Variants in IDH2 observed in about 807,000 individuals in gnomAD.
IDH2 encodes the protein isocitrate dehydrogenase [NADP], mitochondrial.
A neutral mutation model predicts 50.5 loss-of-function variants in IDH2; 18 were observed. The ratio of observed to expected loss-of-function variants is 0.36; its 90% CI spans 0.25 to 0.53. The LOEUF (loss-of-function observed/expected upper bound fraction) is 0.53. IDH2 is among the 20% of genes least tolerant of loss of function. The probability of loss-of-function intolerance (pLI) is 0.92; values close to 1 mark genes in which losing one functional copy is unlikely to be tolerated. For synonymous variants in IDH2, 280 were observed against 239.8 expected (o/e 1.17, Z -1.55); for missense variants, 518 against 610.7 (o/e 0.85, Z 1.60).
At chr15:90,088,057 G>A (rs1301665127) in intron 5 of IDH2, among the ~76,000 whole-genome samples, 2 of 151,984 alleles carry the variant, frequency 1.3e-5, no homozygotes, top group African/African-American at 4.8e-5. Context: ...CAAGCAGGCA[G>A]GAGTACGCCT....
rs1555462242 is a variant in IDH2, at chr15:90,098,531, C to CATGT, written c.115+3741_115+3744dup. 0.019 allele frequency among the ~76,000 whole-genome samples: 2,573 copies of CATGT among 138,172 alleles called. 26 individuals are homozygous for CATGT. The highest frequency in any genetic ancestry group is 0.028 in the Non-Finnish European group (1,742 of 62,696). 90.6% of individuals were successfully genotyped at this position (138,172 alleles called of 152,430 possible). A position where few individuals can be genotyped will look rare whatever the true frequency, so the allele number is the denominator to read the frequency against. ...GTATGTATGTATGTATGTATGCATG[C>CATGT]ATGTATGTATGTATGTATGTATGTA... is the stretch of plus-strand genomic sequence containing the variant. On this transcript the variant is annotated intron_variant, in intron 1 of 10. Transcript: ENST00000330062. This position sits in a 1 kb window ranked among gnomAD's most constrained non-coding sequence, Gnocchi z 5.1.
chr15:90,091,497 G>T, intron 2 of IDH2, 56 bp downstream of exon 2: 1 of 1,385,256 alleles, frequency 7.2e-7, no homozygotes, highest in South Asian at 1.2e-5. Context: ...CTGTGGGACA[G>T]AACAATCCCT....
At chr15:90,093,255 C>T (rs954598812) in intron 1 of IDH2, among the ~76,000 whole-genome samples, 6 of 152,200 alleles carry the variant, frequency 3.9e-5, no homozygotes, top group Non-Finnish European at 5.9e-5. Flanking sequence ...GCTCAGACTC[C>T]GGGGCTCAAG....
rs1299949175 is a variant in IDH2 at position 90,085,131 on chromosome 15, C to T, written c.1081-33G>A. ...CGGGGGTTGCAGGGAGATCAAGAGC[C>T]GAGCCAGCTAGTGAGGAGGCTGCCC... On this transcript the variant is annotated intron_variant, in intron 8 of 10. Coordinates refer to ENST00000330062, the MANE Select transcript of IDH2 (RefSeq NM_002168.4). This position sits in a 1 kb window ranked among gnomAD's most constrained non-coding sequence, Gnocchi z 5.5. 13 of 1,603,450 alleles carry T rather than the reference C, an allele frequency of 8.1e-6. No individual in the cohort carries two copies. Among genetic ancestry groups the T allele is most frequent in the Admixed American group, 3.3e-5 (2 of 59,986 alleles).
At position 90,100,938 on chromosome 15, in the gene IDH2, CTTT is replaced by C. The variant is rs35633367; in HGVS notation, c.115+1335_115+1337del. ...TGTGTGTTTTTCGGGTTGTTTGTTT[CTTT>C]TTTTTTTTTTTACCATCAAGGCAGA... On this transcript the variant is annotated intron_variant, in intron 1 of 10. Transcript: ENST00000330062. The surrounding 1 kb of genome is among the most constrained non-coding windows in gnomAD (Gnocchi z 4.1). 2.8e-5 allele frequency among the ~76,000 whole-genome samples: 4 copies of C among 145,354 alleles called. No individual in the cohort carries two copies. The highest frequency in any genetic ancestry group is 5.0e-5 in the African/African-American group (2 of 39,760).
At chr15:90,092,432 G>T (rs1901066752) in intron 1 of IDH2, among the ~76,000 whole-genome samples, 1 of 138,938 alleles carries the variant, frequency 7.2e-6, no homozygotes, top group Admixed American at 7.3e-5. Flanking sequence ...TCTTGGCAGG[G>T]TCCTGTTCCA....
At chr15:90,088,807 A>C (rs2151550096) in intron 3 of IDH2, 60 bp from the exon 4 acceptor site, 1 of 1,588,132 alleles carries the variant, frequency 6.3e-7, no homozygotes, top group Non-Finnish European at 8.6e-7. Context: ...CCAGAATTTG[A>C]ACCCCAAGCA....
chr15:90,087,227 C>G lies in IDH2; in HGVS notation c.852G>C (p.Trp284Cys), dbSNP rs748642079. The G allele has an allele frequency of 6.2e-7, 1 of 1,614,144 alleles. No individual in the cohort carries two copies. Among genetic ancestry groups the G allele is most frequent in the South Asian group, 1.1e-5 (1 of 91,076 alleles). Residue 284 changes from tryptophan to cysteine, a missense_variant, in exon 7 of 11, where the codon TGG becomes TGC. Around this residue, in one of 5 missense-constraint regions of IDH2, gnomAD observed 207 missense variants for 208.6 expected, o/e 0.99. Coordinates refer to ENST00000330062, the MANE Select transcript of IDH2 (RefSeq NM_002168.4). ...TGTCATCAATGAGCCGGTGCTCATA[C>G]CAGATCTTATTCTTGTCGAAGTCGG... The part of the protein sequence containing the change: ...YKTDFDKNKI[W>C]YEHRLIDDMV...
rs1446930681 is a variant in IDH2 at position 90,084,406 on chromosome 15, C to T, written c.1272-53G>A. The T allele has an allele frequency of 1.3e-6, 2 of 1,513,316 alleles. No individual in the cohort carries two copies. The highest frequency in any genetic ancestry group is 1.4e-5 in the African/African-American group (1 of 72,650). The allele number at this position is 1,513,316 out of a possible 1,614,324, so 93.7% of individuals were successfully genotyped here. A position where few individuals can be genotyped will look rare whatever the true frequency, so the allele number is the denominator to read the frequency against. ...GGGTGGCTCCAGGCCTTGCCAAGGC[C>T]ATCAGCCAGGCCCTTCCAGGGAACA... On this transcript the variant is annotated intron_variant, in intron 10 of 10. Transcript: ENST00000330062. The surrounding 1 kb of genome is among the most constrained non-coding windows in gnomAD (Gnocchi z 5.0).
chr15:90,100,692 C>G lies in IDH2; in HGVS notation c.115+1584G>C. The G allele has an allele frequency of 1.0e-6, 1 of 977,696 alleles. No individual in the cohort carries two copies. Among genetic ancestry groups the G allele is most frequent in the Non-Finnish European group, 1.2e-6 (1 of 822,936 alleles). The allele number at this position is 977,696 out of a possible 1,614,324, so 60.6% of individuals were successfully genotyped here. A position where few individuals can be genotyped will look rare whatever the true frequency, so the allele number is the denominator to read the frequency against. ...CTCTTTTAGCCCCAAAATATTCTTT[C>G]CTTGTCATCAAGGGGAATGCCAAGT... On this transcript the variant is annotated intron_variant, in intron 1 of 10. Transcript: ENST00000330062. The surrounding 1 kb of genome is among the most constrained non-coding windows in gnomAD (Gnocchi z 4.1).
chr15:90,101,248 C>T (rs1901323433), intron 1 of IDH2, among the ~76,000 whole-genome samples: 1 of 152,180 alleles, frequency 6.6e-6, no homozygotes, highest in South Asian at 2.1e-4. Context: ...GCCAGCGGGC[C>T]CCATCCCCTC....
chr15:90,091,620 GCCACCTTGAT>G lies in IDH2; in HGVS notation c.130_139del (p.Ile44ArgfsTer12). 6.2e-7 allele frequency: 1 copy of G among 1,614,112 alleles called. No homozygotes were observed. Among genetic ancestry groups the G allele is most frequent in the Non-Finnish European group, 8.5e-7 (1 of 1,179,948 alleles). On this transcript the variant is annotated frameshift_variant, in exon 2 of 11. Transcript: ENST00000330062. LOFTEE classifies it high-confidence loss of function. ...ACCATCCATCTCCACCACGGGCTTC[GCCACCTTGAT>G]CCTTTTGTCGGCATCTAGAAGCAGG... is the stretch of plus-strand genomic sequence containing the variant.
chr15:90,098,199 G>A lies in IDH2; in HGVS notation c.115+4077C>T, dbSNP rs1441837730. Among the ~76,000 whole-genome samples, 2 of 152,326 alleles carry A rather than the reference G, an allele frequency of 1.3e-5. No homozygotes were observed. The highest frequency in any genetic ancestry group is 1.3e-4 in the Admixed American group (2 of 15,296). On this transcript the variant is annotated intron_variant, in intron 1 of 10. Coordinates refer to ENST00000330062, the MANE Select transcript of IDH2 (RefSeq NM_002168.4). The surrounding 1 kb of genome is among the most constrained non-coding windows in gnomAD (Gnocchi z 5.1). ...ACACTGTCCTCTTGGCGAGAGTGCA[G>A]GATGGAATTACACCAGTCACCAGAG...
chr15:90,094,252 A>C (rs1901124142), intron 1 of IDH2, among the ~76,000 whole-genome samples: 1 of 152,138 alleles, frequency 6.6e-6, no homozygotes, highest in Non-Finnish European at 1.5e-5. Flanking sequence ...TTCAAAGAAA[A>C]CTCAGGAACT....
chr15:90,093,326 T>G (rs976705734), intron 1 of IDH2, among the ~76,000 whole-genome samples: 4 of 152,270 alleles, frequency 2.6e-5, no homozygotes, highest in African/African-American at 9.6e-5. Context: ...AAGATATTAC[T>G]TTTGTCCAAG....
chr15:90,084,427 G>A lies in IDH2; in HGVS notation c.1272-74C>T, dbSNP rs1217753804. 5 of 1,347,748 alleles carry A rather than the reference G, an allele frequency of 3.7e-6. No homozygotes were observed. The highest frequency in any genetic ancestry group is 1.9e-5 in the Admixed American group (1 of 52,610). 83.5% of individuals were successfully genotyped at this position (1,347,748 alleles called of 1,614,324 possible). On this transcript the variant is annotated intron_variant, in intron 10 of 10. Transcript: ENST00000330062. This position sits in a 1 kb window ranked among gnomAD's most constrained non-coding sequence, Gnocchi z 5.0. ...AGGCCATCAGCCAGGCCCTTCCAGG[G>A]AACAGCCTGAGCTTGGGCATCAGAA...
chr15:90,102,325 C>T lies in IDH2; in HGVS notation c.66G>A (p.Ala22=), dbSNP rs1349175428. 7.3e-7 allele frequency: 1 copy of T among 1,361,160 alleles called. No homozygotes were observed. The highest frequency in any genetic ancestry group is 9.6e-7 in the Non-Finnish European group (1 of 1,046,964). 84.3% of individuals were successfully genotyped at this position (1,361,160 alleles called of 1,614,324 possible). A position where few individuals can be genotyped will look rare whatever the true frequency, so the allele number is the denominator to read the frequency against. The change falls in exon 1 of 11, where the codon GCG becomes GCA. Residue 22 remains alanine, a synonymous_variant. Coordinates refer to ENST00000330062, the MANE Select transcript of IDH2 (RefSeq NM_002168.4). ...CRASGSRPAW[A]PAALTAPTSQ... is the part of the protein sequence containing the mutation. Reference sequence around the variant, plus strand: ...AGGTGGGGGCTGTCAGGGCCGCCGGCGCCCAGGCCGGCCGCGAGCCTGAGG... The same window carrying T: ...AGGTGGGGGCTGTCAGGGCCGCCGGTGCCCAGGCCGGCCGCGAGCCTGAGG...
chr15:90,093,536 TA>T (rs1567257427), intron 1 of IDH2, among the ~76,000 whole-genome samples: 1 of 152,224 alleles, frequency 6.6e-6, no homozygotes, highest in Non-Finnish European at 1.5e-5. Flanking sequence ...ACCAATGCTG[TA>T]CAATGTGATT....
At position 90,102,444 on chromosome 15, in the gene IDH2, C is replaced by G. The variant is rs1901363840; in HGVS notation, c.-54G>C. 9.7e-7 allele frequency: 1 copy of G among 1,036,196 alleles called. No homozygotes were observed. The highest frequency in any genetic ancestry group is 1.2e-6 in the Non-Finnish European group (1 of 813,006). 64.2% of individuals were successfully genotyped at this position (1,036,196 alleles called of 1,614,324 possible). A position where few individuals can be genotyped will look rare whatever the true frequency, so the allele number is the denominator to read the frequency against. ...GGGAGAGGTCCGAGCGCGCGCCGCTCCTCCCGGCTGCCTGGCCGCGGGCTA... is the reference window on the plus strand; with the variant it reads ...GGGAGAGGTCCGAGCGCGCGCCGCTGCTCCCGGCTGCCTGGCCGCGGGCTA... On this transcript the variant is annotated 5_prime_UTR_variant, in exon 1 of 11. Coordinates refer to ENST00000330062, the MANE Select transcript of IDH2 (RefSeq NM_002168.4).
Sources: gnomAD v4.1 joint callset for allele counts (sites outside exome capture counted in the v4.1 genomes callset) on GRCh38, gnomAD v4.1.1 for gene constraint, gnomAD v4.1.1 regional missense constraint, Gnocchi (gnomAD v3.1) non-coding constraint, MANE v1.5 for transcripts, NCBI Gene and HGNC (gene_info 2026-07-23, HGNC 2026-07-21) for gene names.